Variants in IL1RAPL2 observed in about 807,000 individuals in gnomAD.
IL1RAPL2 encodes interleukin 1 receptor accessory protein like 2.
Under a neutral mutation model 44.1 loss-of-function variants are expected in IL1RAPL2, and 3 were observed. The observed-to-expected ratio is 0.07, with a 90% CI of 0.03 to 0.18. IL1RAPL2 has a LOEUF of 0.18. Among genes scored for constraint, IL1RAPL2 ranks in the 10% least tolerant of loss-of-function variants. IL1RAPL2 has a pLI of 1.00. For missense variants in IL1RAPL2, 391 were observed against 496.4 expected (o/e 0.79, Z 2.02); for synonymous variants, 181 against 178.8 (o/e 1.01, Z -0.10).
At chrX:105,302,583 T>C (rs1201794000) in intron 5 of IL1RAPL2, among the ~76,000 whole-genome samples, 1 of 111,989 alleles carries the variant, frequency 8.9e-6, no homozygotes, top group African/African-American at 3.2e-5. Context: ...CTCTGCCTGG[T>C]ACCCTGTTCT....
In IL1RAPL2 at chrX:105,522,119, G is replaced by A. The variant is rs147065753; in HGVS notation, c.772+37732G>A. On this transcript the variant is annotated intron_variant, in intron 6 of 10. Coordinates refer to ENST00000372582, the MANE Select transcript of IL1RAPL2 (RefSeq NM_017416.2). The stretch of plus-strand genomic sequence containing the variant: ...TGAATTTTAATTGAATCCAACCCTG[G>A]ACCTCAAGAGTTGGAGGCTTTATTC... Among the ~76,000 whole-genome samples the A allele has an allele frequency of 8.1e-5, 9 of 111,468 alleles. No homozygotes were observed. In the East Asian group the frequency reaches 1.4e-3, roughly 18 times the overall value.
chrX:105,551,890 G>A (rs1215989780), intron 6 of IL1RAPL2, among the ~76,000 whole-genome samples: 2 of 111,349 alleles, frequency 1.8e-5, no homozygotes, highest in African/African-American at 6.5e-5. Flanking sequence ...CGGATCACAA[G>A]GTCAGGAGAT....
At chrX:105,060,444 G>A (rs1280456502) in intron 2 of IL1RAPL2, among the ~76,000 whole-genome samples, 1 of 110,956 alleles carries the variant, frequency 9.0e-6, no homozygotes, top group African/African-American at 3.3e-5. Context: ...GCATCCTTTG[G>A]GTAAATCCCA....
At chrX:104,812,841 A>T (rs747507673) in intron 2 of IL1RAPL2, among the ~76,000 whole-genome samples, 28 of 110,998 alleles carry the variant, frequency 2.5e-4, no homozygotes, top group Non-Finnish European at 4.5e-4. Flanking sequence ...GGAGGGAAGG[A>T]TGTGTAGAGA....
intron 2 of IL1RAPL2, among the ~76,000 whole-genome samples, chrX:105,179,355 A>G (rs1350100843): frequency 8.9e-6 from 1 of 111,815 alleles, no homozygotes; most frequent in Non-Finnish European, 1.9e-5. Flanking sequence ...CTGTGTGTCT[A>G]TTTGTATACC....
chrX:104,844,492 G>A (rs936526507), intron 2 of IL1RAPL2, among the ~76,000 whole-genome samples: 1 of 111,240 alleles, frequency 9.0e-6, no homozygotes, highest in African/African-American at 3.3e-5. Flanking sequence ...ATAGTAGGCA[G>A]TATTTACAGG....
At chrX:104,607,749 G>T (rs368935592) in intron 1 of IL1RAPL2, among the ~76,000 whole-genome samples, 11 of 111,995 alleles carry the variant, frequency 9.8e-5, no homozygotes, top group African/African-American at 3.2e-4. Context: ...GAGAGGATGT[G>T]GAGAAATAGG....
At chrX:104,827,734 G>A (rs999082700) in intron 2 of IL1RAPL2, among the ~76,000 whole-genome samples, 1 of 111,844 alleles carries the variant, frequency 8.9e-6, no homozygotes, top group Non-Finnish European at 1.9e-5. Flanking sequence ...CAACTTGGTT[G>A]CATTCTCCCT....
At chrX:105,333,655 A>G (rs2035005129) in intron 5 of IL1RAPL2, among the ~76,000 whole-genome samples, 1 of 112,019 alleles carries the variant, frequency 8.9e-6, no homozygotes, top group African/African-American at 3.2e-5. Context: ...AACAAGTTCA[A>G]ACAACTCTAA....
intron 2 of IL1RAPL2, among the ~76,000 whole-genome samples, chrX:105,075,709 T>A (rs1371209906): frequency 1.9e-4 from 21 of 112,175 alleles, no homozygotes; most frequent in Non-Finnish European, 3.9e-4. Context: ...AATTATTGCC[T>A]CAATTTCAGA....
chrX:104,790,645 CAAAA>C (rs746260814), intron 2 of IL1RAPL2, among the ~76,000 whole-genome samples: 1 of 108,499 alleles, frequency 9.2e-6, no homozygotes, highest in African/African-American at 3.4e-5. Flanking sequence ...TGTGTTCACT[CAAAA>C]AAAACCTTCA....
chrX:104,785,255 A>C, intron 2 of IL1RAPL2, among the ~76,000 whole-genome samples: 1 of 111,522 alleles, frequency 9.0e-6, no homozygotes, highest in Middle Eastern at 4.6e-3. Context: ...GACTCAAGCA[A>C]TCCTTGTGCC....
intron 4 of IL1RAPL2, among the ~76,000 whole-genome samples, chrX:105,253,895 G>A (rs2034293171): frequency 9.0e-6 from 1 of 111,686 alleles, no homozygotes; most frequent in Non-Finnish European, 1.9e-5. Flanking sequence ...TCTTTTTTAT[G>A]TCTGCATAGT....
intron 2 of IL1RAPL2, among the ~76,000 whole-genome samples, chrX:104,746,696 AG>A (rs1932181726): frequency 9.0e-6 from 1 of 111,235 alleles, no homozygotes. Context: ...AAAAACTAAA[AG>A]GTATAATTTA....
At chrX:104,844,740 T>C (rs1426822276) in intron 2 of IL1RAPL2, among the ~76,000 whole-genome samples, 3 of 112,101 alleles carry the variant, frequency 2.7e-5, no homozygotes, top group Non-Finnish European at 5.6e-5. Context: ...TTGGACAACC[T>C]TGATTTAAAA....
intron 2 of IL1RAPL2, among the ~76,000 whole-genome samples, chrX:104,844,561 C>T (rs1921996339): frequency 9.1e-6 from 1 of 109,406 alleles, no homozygotes; most frequent in Non-Finnish European, 1.9e-5. Context: ...TATCTTGGGC[C>T]ACACATATAA....
intron 6 of IL1RAPL2, among the ~76,000 whole-genome samples, chrX:105,535,549 G>A (rs1397515801): frequency 8.9e-6 from 1 of 111,864 alleles, no homozygotes; most frequent in African/African-American, 3.2e-5. Flanking sequence ...AACTGGAAAT[G>A]TCCTTCAACA....
At chrX:105,633,525 G>C (rs1011787851) in intron 6 of IL1RAPL2, among the ~76,000 whole-genome samples, 12 of 111,390 alleles carry the variant, frequency 1.1e-4, no homozygotes, top group African/African-American at 2.9e-4. Flanking sequence ...TAATAGTTCT[G>C]TTATTGAGCC....
At chrX:104,788,540 G>A (rs1932810137) in intron 2 of IL1RAPL2, among the ~76,000 whole-genome samples, 1 of 112,181 alleles carries the variant, frequency 8.9e-6, no homozygotes, top group African/African-American at 3.2e-5. Context: ...AAAGTACTGA[G>A]AAAGAAGTTA....
Sources: allele counts gnomAD v4.1 joint callset (sites outside exome capture counted in the v4.1 genomes callset), GRCh38; gene constraint gnomAD v4.1.1; transcripts MANE v1.5; gene names NCBI Gene and HGNC (gene_info 2026-07-23, HGNC 2026-07-21).